Variants in FAM20C observed in about 807,000 individuals in gnomAD.
FAM20C encodes extracellular serine/threonine protein kinase FAM20C.
FAM20C carries 40 observed loss-of-function variants against 51.5 expected under a neutral mutation model. The ratio of observed to expected loss-of-function variants is 0.78; its 90% CI spans 0.60 to 1.01. FAM20C has a LOEUF of 1.01. Ranked by LOEUF, FAM20C falls within the 50% of genes least tolerant of loss-of-function variation. The pLI is 0.00. For synonymous variants in FAM20C, 406 were observed against 380.6 expected (o/e 1.07, Z -0.78); for missense variants, 861 against 844.7 (o/e 1.02, Z -0.24).
At chr7:244,884 C>T (rs1424363638) in intron 3 of FAM20C, among the ~76,000 whole-genome samples, 1 of 152,232 alleles carries the variant, frequency 6.6e-6, no homozygotes. Context: ...GGGTGGTACA[C>T]ATCTTTAACC....
At chr7:206,384 C>G (rs1295349935) in intron 2 of FAM20C, among the ~76,000 whole-genome samples, 1 of 152,224 alleles carries the variant, frequency 6.6e-6, no homozygotes, top group South Asian at 2.1e-4. Flanking sequence ...GCTGGCCGCC[C>G]TTCCCTTTCC....
In FAM20C at chr7:258,706, G is replaced by A. The variant is rs931907087; in HGVS notation, c.1505+1G>A. 2 of 1,535,428 alleles carry A rather than the reference G, an allele frequency of 1.3e-6. No individual in the cohort carries two copies. Among genetic ancestry groups the A allele is most frequent in the Admixed American group, 2.0e-5 (1 of 50,898 alleles). On this transcript the variant is annotated splice_donor_variant, in intron 9 of 9. Coordinates refer to ENST00000313766, the MANE Select transcript of FAM20C (RefSeq NM_020223.4). LOFTEE classifies it high-confidence loss of function. ...TGGTGCCGCTACAGCAGTGCTGCAG[G>A]TACAGCCCCTGCCGGAGCCGGCTCC...
At position 259,914 on chromosome 7, in the gene FAM20C, G is replaced by A; in HGVS notation, c.1689G>A (p.Arg563=). The part of the protein sequence containing the change: ...VLKAVRDCVE[R]NGLHSVVDDD... ...AGGCCGTCCGGGACTGCGTGGAGAGGAACGGGCTCCACAGCGTGGTGGATG... is the reference window on the plus strand; with the variant it reads ...AGGCCGTCCGGGACTGCGTGGAGAGAAACGGGCTCCACAGCGTGGTGGATG... The change falls in exon 10 of 10, where the codon AGG becomes AGA. Residue 563 remains arginine (R), a synonymous_variant. Transcript: ENST00000313766. 1 of 1,535,124 alleles carries A rather than the reference G, an allele frequency of 6.5e-7. No homozygotes were observed.
intron 3 of FAM20C, among the ~76,000 whole-genome samples, chr7:236,945 G>C (rs1043546686): frequency 6.2e-4 from 94 of 152,330 alleles, no homozygotes; most frequent in African/African-American, 2.2e-3. Flanking sequence ...CCTCTTCCAG[G>C]AGTGGGACAT....
intron 9 of FAM20C, among the ~76,000 whole-genome samples, chr7:258,944 G>A (rs901462513): frequency 2.0e-5 from 3 of 152,192 alleles, no homozygotes; most frequent in African/African-American, 7.2e-5. Flanking sequence ...TCCACTCTGT[G>A]TCCGTCCTGC....
chr7:240,643 C>CTCAT (rs1423718845), intron 3 of FAM20C, among the ~76,000 whole-genome samples: 4 of 152,140 alleles, frequency 2.6e-5, no homozygotes. Context: ...TGACTGAGTC[C>CTCAT]TCATTCATTC....
intron 3 of FAM20C, among the ~76,000 whole-genome samples, chr7:233,461 T>C (rs1654071398): frequency 6.6e-6 from 1 of 152,164 alleles, no homozygotes; most frequent in African/African-American, 2.4e-5. Flanking sequence ...GCAAACGCAG[T>C]GTCTTCAGAC....
At chr7:203,460 T>C (rs1786220774) in intron 2 of FAM20C, among the ~76,000 whole-genome samples, 1 of 152,132 alleles carries the variant, frequency 6.6e-6, no homozygotes, top group South Asian at 2.1e-4. Flanking sequence ...ACCCGATCAG[T>C]GACAGGAGGG....
chr7:244,508 C>G (rs1211808341), intron 3 of FAM20C, among the ~76,000 whole-genome samples: 1 of 152,220 alleles, frequency 6.6e-6, no homozygotes, highest in Non-Finnish European at 1.5e-5. Context: ...GGTCTAGATT[C>G]TTTCTCTTGA....
intron 3 of FAM20C, among the ~76,000 whole-genome samples, chr7:209,679 C>T (rs1786609313): frequency 6.6e-6 from 1 of 152,326 alleles, no homozygotes; most frequent in East Asian, 1.9e-4. Flanking sequence ...GCAGGCGTCC[C>T]ACAGGAAGGG....
chr7:248,471 C>T (rs1788262819), intron 5 of FAM20C, 41 bp downstream of exon 5: 1 of 1,472,750 alleles, frequency 6.8e-7, no homozygotes. Context: ...CTCCAGGTAG[C>T]CTGGCACGGG....
chr7:222,633 C>T (rs574528949), intron 3 of FAM20C, among the ~76,000 whole-genome samples: 7 of 152,068 alleles, frequency 4.6e-5, no homozygotes, highest in South Asian at 4.2e-4. Context: ...GGCTGGAGAG[C>T]GGAAGTGAGG....
rs74800649 is a variant in FAM20C, at chr7:232,341, C to T, written c.864-14074C>T. ...GAGAACGCGGCCCAGCCCCCCACCTCTCAGACCCCGTCCAGGGACATCCCG... is the reference window on the plus strand; with the variant it reads ...GAGAACGCGGCCCAGCCCCCCACCTTTCAGACCCCGTCCAGGGACATCCCG... On this transcript the variant is annotated intron_variant, in intron 3 of 9. Transcript: ENST00000313766. Among the ~76,000 whole-genome samples, 275 of 152,348 alleles carry T rather than the reference C, an allele frequency of 1.8e-3. 1 individual carries two copies. The highest frequency in any genetic ancestry group is 6.4e-3 in the African/African-American group (266 of 41,562).
At chr7:250,644 C>T (rs538196025) in intron 5 of FAM20C, among the ~76,000 whole-genome samples, 3 of 152,298 alleles carry the variant, frequency 2.0e-5, no homozygotes, top group African/African-American at 7.2e-5. Flanking sequence ...GAGCTCCGGC[C>T]GCTGTCAGCC....
At chr7:194,877 C>T (rs1785773763) in intron 1 of FAM20C, among the ~76,000 whole-genome samples, 1 of 152,134 alleles carries the variant, frequency 6.6e-6, no homozygotes, top group Non-Finnish European at 1.5e-5. Context: ...TCCCTCCAGC[C>T]CAGCAGGCAG....
At chr7:195,802 G>C in intron 2 of FAM20C, 70 bp downstream of exon 2, 2 of 1,418,348 alleles carry the variant, frequency 1.4e-6, no homozygotes, top group Non-Finnish European at 1.9e-6. Flanking sequence ...GCTGGGGCAG[G>C]CTATGTGTTA....
chr7:236,543 G>A (rs1203519684), intron 3 of FAM20C, among the ~76,000 whole-genome samples: 1 of 152,180 alleles, frequency 6.6e-6, no homozygotes, highest in Non-Finnish European at 1.5e-5. Context: ...CCCTGGGATC[G>A]TCTTGCTCCC....
chr7:194,147 G>A, intron 1 of FAM20C: 1 of 265,334 alleles, frequency 3.8e-6, no homozygotes, highest in Admixed American at 5.1e-5. Context: ...AAGGAGCCAG[G>A]CTGCCGCTGG....
intron 3 of FAM20C, among the ~76,000 whole-genome samples, chr7:243,944 A>T (rs372916192): frequency 0.37 from 49,915 of 136,526 alleles, 9,736 homozygotes; most frequent in African/African-American, 0.51. Context: ...TAATAATAAT[A>T]ATTATTATTA....
Sources: gnomAD v4.1 joint callset for allele counts (sites outside exome capture counted in the v4.1 genomes callset) on GRCh38, gnomAD v4.1.1 for gene constraint, MANE v1.5 for transcripts, NCBI Gene and HGNC (gene_info 2026-07-23, HGNC 2026-07-21) for gene names.